BACH1: variants seen among roughly 807,000 people sequenced by gnomAD.
BACH1 encodes the protein transcription regulator protein BACH1.
In BACH1, 35 loss-of-function variants were observed where a neutral mutation model predicts 52.9. The ratio of observed to expected loss-of-function variants is 0.66; its 90% CI spans 0.51 to 0.88. The LOEUF (loss-of-function observed/expected upper bound fraction) is 0.88, where lower values mean the gene tolerates loss of function less well. Ranked by LOEUF, BACH1 falls within the 40% of genes least tolerant of loss-of-function variation. The pLI, the probability that BACH1 is intolerant of heterozygous loss-of-function variation, is 0.00. For synonymous variants in BACH1, 321 were observed against 319.6 expected, an observed-to-expected ratio of 1.00 and a Z score of -0.05; for missense variants, 808 against 872.6, an observed-to-expected ratio of 0.93 and a Z score of 0.93.
At chr21:29,301,974 G>A (rs1030112461) in intron 1 of BACH1, among the ~76,000 whole-genome samples, 23 of 152,254 alleles carry the variant, frequency 1.5e-4, no homozygotes, top group South Asian at 1.5e-3. Flanking sequence ...CTACACCCCT[G>A]TACTGTGAGA....
At chr21:29,359,501 T>C (rs1008370985) in intron 2 of BACH1, 2 of 151,218 alleles carry the variant, frequency 1.3e-5, no homozygotes, top group African/African-American at 4.9e-5. Flanking sequence ...TTGCGAGTAC[T>C]CATGAATCTT....
intron 1 of BACH1, among the ~76,000 whole-genome samples, chr21:29,305,009 T>C (rs1373643552): frequency 2.0e-5 from 3 of 152,230 alleles, no homozygotes; most frequent in Non-Finnish European, 2.9e-5. Flanking sequence ...GTACAGTGGT[T>C]ATCTGATCTT....
At chr21:29,330,607 T>G (rs921732241) in intron 4 of BACH1, among the ~76,000 whole-genome samples, 1 of 152,186 alleles carries the variant, frequency 6.6e-6, no homozygotes, top group African/African-American at 2.4e-5. Context: ...ACAGGCCAGC[T>G]AAAGCTAAGA....
rs978706203 is a variant in BACH1 at position 29,345,265 on chromosome 21, G to GT, written c.*2438dup. On this transcript the variant is annotated 3_prime_UTR_variant, in exon 5 of 5. Transcript: ENST00000286800. The stretch of plus-strand genomic sequence containing the variant: ...TATTTTAACATTAACTTCTAAAGAA[G>GT]TTTTTTCTAAGAAAATGTTTCAAGG... 12 of 152,232 alleles carry GT rather than the reference G, an allele frequency of 7.9e-5. No individual in the cohort carries two copies. Among genetic ancestry groups the GT allele is most frequent in the Non-Finnish European group, 1.6e-4 (11 of 67,920 alleles). 9.4% of individuals were successfully genotyped at this position (152,232 alleles called of 1,614,324 possible).
At chr21:29,348,038 G>C (rs185086330), downstream of BACH1, among the ~76,000 whole-genome samples, 48 of 152,270 alleles carry the variant, frequency 3.2e-4, no homozygotes, top group African/African-American at 1.2e-3. Flanking sequence ...AGGCATTAAA[G>C]TCTAAAGGAA....
At chr21:29,299,796 G>T (rs1371286051) in intron 1 of BACH1, 1 of 152,238 alleles carries the variant, frequency 6.6e-6, no homozygotes, top group Admixed American at 6.5e-5. Context: ...GAAAGAACGT[G>T]TATGAGGAAA....
At chr21:29,349,918 T>C (rs1489825288), downstream of BACH1, among the ~76,000 whole-genome samples, 6 of 152,144 alleles carry the variant, frequency 3.9e-5, no homozygotes, top group Non-Finnish European at 8.8e-5. Context: ...CTGAAGGAAT[T>C]GCACTATGAG....
chr21:29,300,486 G>A (rs1271001660), intron 1 of BACH1, among the ~76,000 whole-genome samples: 1 of 152,178 alleles, frequency 6.6e-6, no homozygotes, highest in Non-Finnish European at 1.5e-5. Context: ...GGGTGAAGTG[G>A]AAGAGCACTC....
At chr21:29,329,339 G>GT in intron 3 of BACH1, 148 bp from the exon 4 acceptor site, 1 of 504,872 alleles carries the variant, frequency 2.0e-6, no homozygotes, top group Non-Finnish European at 3.2e-6. Context: ...ATCCTTTTGA[G>GT]ATTGTATAGA....
intron 2 of BACH1, among the ~76,000 whole-genome samples, chr21:29,358,774 G>GAAAAGAAAAGAAAAGA (rs150670774): frequency 8.3e-5 from 6 of 72,302 alleles, no homozygotes; most frequent in Admixed American, 7.3e-4. Context: ...GAAAAGAAAA[G>GAAAAGAAAAGAAAAGA]AAAGAAAGAA....
Position 29,332,891 on chromosome 21 carries a change from T to C in BACH1, c.1776+3198T>C, listed in dbSNP as rs8131728. Among the ~76,000 whole-genome samples, 562 of 152,340 alleles carry C rather than the reference T, an allele frequency of 3.7e-3. 4 individuals are homozygous for C. Among genetic ancestry groups the C allele is most frequent in the African/African-American group, 0.013 (534 of 41,574 alleles). On this transcript the variant is annotated intron_variant, in intron 4 of 4. Transcript: ENST00000286800. ...CCTTTCTGGGCAGGCACAGCAGACA[T>C]CTGATAGTGTCTCCTGCACCTAGAT...
chr21:29,352,296 C>T (rs538412274), intron 2 of BACH1, among the ~76,000 whole-genome samples: 6 of 152,048 alleles, frequency 3.9e-5, no homozygotes, highest in South Asian at 4.2e-4. Flanking sequence ...TCAAGTGATC[C>T]GCCCGCCTCG....
intron 1 of BACH1, among the ~76,000 whole-genome samples, chr21:29,319,586 A>G (rs2088825703): frequency 6.6e-6 from 1 of 151,434 alleles, no homozygotes; most frequent in African/African-American, 2.4e-5. Context: ...GTAAATTTAT[A>G]ATGACACCAG....
chr21:29,327,421 T>G, intron 3 of BACH1, 28 bp downstream of exon 3: 3 of 1,588,904 alleles, frequency 1.9e-6, no homozygotes, highest in Non-Finnish European at 2.6e-6. Context: ...CTTAATTCAT[T>G]GTTTTAATAA....
intron 4 of BACH1, among the ~76,000 whole-genome samples, chr21:29,338,020 C>G (rs530441214): frequency 6.6e-6 from 1 of 152,072 alleles, no homozygotes; most frequent in East Asian, 1.9e-4. Context: ...ATGTAACAAA[C>G]CTGCACGTTG....
At chr21:29,336,750 C>T (rs1003332413) in intron 4 of BACH1, among the ~76,000 whole-genome samples, 4 of 152,032 alleles carry the variant, frequency 2.6e-5, no homozygotes, top group African/African-American at 9.7e-5. Flanking sequence ...CAGCTCACTG[C>T]AACCTCTACC....
Position 29,326,448 on chromosome 21 carries a change from G to A in BACH1, c.624G>A (p.Glu208=). Residue 208 remains glutamate (E), a synonymous_variant, in exon 3 of 5, where the codon GAG becomes GAA. Transcript: ENST00000286800. ...AAGACAGTGCCAGTCAGACATATGA[G>A]TCCATGTGCTTAGAGAAGGATGCTG... ...PLQDSASQTY[E]SMCLEKDAAL... is the part of the protein sequence containing the mutation. 6.2e-7 allele frequency: 1 copy of A among 1,614,222 alleles called. No individual in the cohort carries two copies. Among genetic ancestry groups the A allele is most frequent in the Non-Finnish European group, 8.5e-7 (1 of 1,180,040 alleles).
rs954416043 is a variant in BACH1, at chr21:29,345,721, A to G, written c.*2888A>G. 6.6e-6 allele frequency: 1 copy of G among 152,572 alleles called. No individual in the cohort carries two copies. Among genetic ancestry groups the G allele is most frequent in the Non-Finnish European group, 1.5e-5 (1 of 67,994 alleles). The allele number at this position is 152,572 out of a possible 1,614,324, so 9.5% of individuals were successfully genotyped here. On this transcript the variant is annotated 3_prime_UTR_variant, in exon 5 of 5. Transcript: ENST00000286800. ...CACTCAGTCACATTAACAACTTGGG[A>G]AAAAAATGGCAATGTTACGGTGAAT...
rs1313403928 is a variant in BACH1 at position 29,355,224 on chromosome 21, C to A, written c.472+25531C>A. On this transcript the variant is annotated intron_variant, in intron 2 of 4. Transcript: ENST00000422809. The stretch of plus-strand genomic sequence containing the variant: ...AGTGCTGATTGGTGCGTTTACAAAC[C>A]TTTAGCTAGACACAGAGTGCTGATT... Among the ~76,000 whole-genome samples, 4 of 152,216 alleles carry A rather than the reference C, an allele frequency of 2.6e-5. No homozygotes were observed. The East Asian group carries it at 5.8e-4, about 22-fold the overall frequency.
Sources: gnomAD v4.1 joint callset for allele counts (sites outside exome capture counted in the v4.1 genomes callset) on GRCh38, gnomAD v4.1.1 for gene constraint, MANE v1.5 for transcripts, NCBI Gene and HGNC (gene_info 2026-07-23, HGNC 2026-07-21) for gene names.